The following SMYD3 variants were observed in gnomAD, a reference collection of about 807,000 sequenced individuals.
SMYD3 encodes SET and MYND domain containing 3, also known as histone-lysine N-methyltransferase SMYD3.
Under a neutral mutation model 57.7 loss-of-function variants are expected in SMYD3, and 36 were observed. The observed-to-expected ratio is 0.62, with a 90% CI of 0.48 to 0.82. SMYD3 has a LOEUF of 0.82. Ranked by LOEUF, SMYD3 falls within the 40% of genes least tolerant of loss-of-function variation. The pLI, the probability that SMYD3 is intolerant of heterozygous loss-of-function variation, is 0.00. For missense variants in SMYD3, 515 were observed against 538.8 expected (o/e 0.96, Z 0.44); for synonymous variants, 211 against 195.0 (o/e 1.08, Z -0.68).
At chr1:246,266,452 G>A (rs149081524) in intron 5 of SMYD3, among the ~76,000 whole-genome samples, 120 of 152,038 alleles carry the variant, frequency 7.9e-4, no homozygotes, top group African/African-American at 2.7e-3. Flanking sequence ...TTGGTATGCC[G>A]ATAGTGAAGT....
intron 1 of SMYD3, among the ~76,000 whole-genome samples, chr1:246,392,660 C>G (rs1016628677): frequency 6.6e-6 from 1 of 151,960 alleles, no homozygotes; most frequent in African/African-American, 2.4e-5. Flanking sequence ...GTTGCCCAGG[C>G]TGGCCTTGAA....
chr1:246,347,151 A>T (rs140432612), intron 2 of SMYD3, among the ~76,000 whole-genome samples: 25 of 148,994 alleles, frequency 1.7e-4, no homozygotes, highest in African/African-American at 7.4e-5. Context: ...AAGACTTTAT[A>T]AAAAAAAAAC....
intron 11 of SMYD3, among the ~76,000 whole-genome samples, chr1:245,762,334 AT>A (rs2045882584): frequency 6.6e-6 from 1 of 152,208 alleles, no homozygotes; most frequent in African/African-American, 2.4e-5. Context: ...CTAGTCCCAT[AT>A]AAACACAAAG....
intron 5 of SMYD3, among the ~76,000 whole-genome samples, chr1:245,977,450 A>G (rs1056888413): frequency 6.6e-6 from 1 of 152,160 alleles, no homozygotes; most frequent in East Asian, 1.9e-4. Context: ...AGGCTGAGGC[A>G]GGCAGATCAC....
At chr1:246,045,347 TC>T (rs2059944818) in intron 5 of SMYD3, among the ~76,000 whole-genome samples, 1 of 152,138 alleles carries the variant, frequency 6.6e-6, no homozygotes, top group African/African-American at 2.4e-5. Context: ...AACTATCTCA[TC>T]TTTGACAAAC....
At chr1:245,827,642 G>T (rs1366503888) in intron 10 of SMYD3, among the ~76,000 whole-genome samples, 8 of 152,342 alleles carry the variant, frequency 5.3e-5, no homozygotes, top group Non-Finnish European at 2.9e-5. Flanking sequence ...CTTCCAAGGA[G>T]GAAAGTGTGT....
chr1:246,359,173 A>T (rs2065952386), intron 1 of SMYD3, among the ~76,000 whole-genome samples: 1 of 152,224 alleles, frequency 6.6e-6, no homozygotes, highest in Non-Finnish European at 1.5e-5. Context: ...ATTCAAGGCT[A>T]CTATGAACAC....
chr1:245,770,066 C>T (rs1344154011), intron 10 of SMYD3, among the ~76,000 whole-genome samples: 2 of 152,202 alleles, frequency 1.3e-5, no homozygotes, highest in African/African-American at 4.8e-5. Context: ...GGTGGAGTAG[C>T]TTATTTCAGA....
rs146380161 is a variant in SMYD3, at chr1:245,995,888, C to T, written c.532-65951G>A. 5.4e-3 allele frequency among the ~76,000 whole-genome samples: 818 copies of T among 152,334 alleles called. 8 individuals are homozygous for T. The highest frequency in any genetic ancestry group is 0.019 in the African/African-American group (781 of 41,584). On this transcript the variant is annotated intron_variant, in intron 5 of 11. Coordinates refer to ENST00000490107, the MANE Select transcript of SMYD3 (RefSeq NM_001167740.2). ...GAGCCATGCCCCTAACAGCTTGGTCCTGGGGATGAGCCCAGAACCCTGAGA... is the reference window on the plus strand; with the variant it reads ...GAGCCATGCCCCTAACAGCTTGGTCTTGGGGATGAGCCCAGAACCCTGAGA...
intron 10 of SMYD3, among the ~76,000 whole-genome samples, chr1:245,812,581 A>G (rs2048534017): frequency 6.6e-6 from 1 of 152,086 alleles, no homozygotes; most frequent in South Asian, 2.1e-4. Flanking sequence ...ATTTTCCGTG[A>G]AAACACACCT....
intron 5 of SMYD3, among the ~76,000 whole-genome samples, chr1:245,981,196 A>G (rs1298753994): frequency 2.6e-5 from 4 of 152,228 alleles, no homozygotes; most frequent in Non-Finnish European, 4.4e-5. Context: ...CATGAGGCCA[A>G]ATAAATATTG....
At chr1:245,905,358 C>T (rs545676713) in intron 8 of SMYD3, among the ~76,000 whole-genome samples, 30 of 152,208 alleles carry the variant, frequency 2.0e-4, no homozygotes, top group South Asian at 1.9e-3. Context: ...TCTCCCCTGA[C>T]TAGAGTCCCA....
chr1:246,394,379 CA>C (rs145279671), intron 1 of SMYD3, among the ~76,000 whole-genome samples: 2,444 of 152,314 alleles, frequency 0.016, 30 homozygotes, highest in Non-Finnish European at 0.024. Context: ...CCACAGTACA[CA>C]AACCTCACTG....
At chr1:246,434,284 A>T (rs2067338321) in intron 1 of SMYD3, among the ~76,000 whole-genome samples, 1 of 152,252 alleles carries the variant, frequency 6.6e-6, no homozygotes, top group Admixed American at 6.5e-5. Flanking sequence ...AAAATTGACA[A>T]GTGGAACCTA....
At chr1:246,315,798 ACT>A (rs1253127139) in intron 5 of SMYD3, among the ~76,000 whole-genome samples, 1 of 152,110 alleles carries the variant, frequency 6.6e-6, no homozygotes, top group East Asian at 1.9e-4. Context: ...TAGAAGGAAG[ACT>A]CTTCCTCTTT....
Position 246,203,751 on chromosome 1 carries a change from C to T in SMYD3, c.531+123450G>A, listed in dbSNP as rs553993740. Among the ~76,000 whole-genome samples the T allele has an allele frequency of 6.6e-6, 1 of 152,272 alleles. No individual in the cohort carries two copies. The highest frequency in any genetic ancestry group is 6.5e-5 in the Admixed American group (1 of 15,298). On this transcript the variant is annotated intron_variant, in intron 5 of 11. Transcript: ENST00000490107. This position sits in a 1 kb window ranked among gnomAD's most constrained non-coding sequence, Gnocchi z 4.6. Reference sequence around the variant, plus strand: ...TGAATTTGCGGGGACACAGTTCAGCCCAGAACACACTCTCCTTCTCCTGGG... The same window carrying T: ...TGAATTTGCGGGGACACAGTTCAGCTCAGAACACACTCTCCTTCTCCTGGG...
Position 246,461,607 on chromosome 1 carries a change from T to TA in SMYD3, c.164+45446dup, listed in dbSNP as rs200010895. 6.0e-4 allele frequency among the ~76,000 whole-genome samples: 88 copies of TA among 147,122 alleles called. 1 individual carries two copies. The East Asian group carries it at 0.01, about 17-fold the overall frequency. ...TAACTAAAGGCTAAGAAAAAATATGTAAAAAAAAAATTAAAATTGAGGGGG... is the reference window on the plus strand; with the variant it reads ...TAACTAAAGGCTAAGAAAAAATATGTAAAAAAAAAAATTAAAATTGAGGGGG... On this transcript the variant is annotated intron_variant, in intron 1 of 11. Transcript: ENST00000490107.
At chr1:245,917,747 C>T (rs917278334) in intron 7 of SMYD3, among the ~76,000 whole-genome samples, 10 of 152,202 alleles carry the variant, frequency 6.6e-5, no homozygotes, top group Non-Finnish European at 1.5e-5. Flanking sequence ...GTAGAAATTA[C>T]TTCTTTGCTT....
At chr1:245,910,117 C>CA (rs1440415343) in intron 8 of SMYD3, among the ~76,000 whole-genome samples, 1 of 152,112 alleles carries the variant, frequency 6.6e-6, no homozygotes, top group Admixed American at 6.5e-5. Context: ...TCGCAGGATA[C>CA]AAAATCAACA....
Sources: allele counts gnomAD v4.1 joint callset (sites outside exome capture counted in the v4.1 genomes callset), GRCh38; gene constraint gnomAD v4.1.1; non-coding constraint Gnocchi (gnomAD v3.1); transcripts MANE v1.5; gene names NCBI Gene and HGNC (gene_info 2026-07-23, HGNC 2026-07-21).